The following ZFHX4 variants were observed in gnomAD, a reference collection of about 807,000 sequenced individuals.
ZFHX4 encodes the protein zinc finger homeobox protein 4.
In ZFHX4, 56 loss-of-function variants were observed where a neutral mutation model predicts 267.6. The observed-to-expected ratio is 0.21, with a 90% CI of 0.17 to 0.26. The LOEUF is 0.26. Ranked by LOEUF, ZFHX4 falls within the 10% of genes least tolerant of loss-of-function variation. The pLI is 1.00. For missense variants in ZFHX4, 4,332 were observed against 4,420.0 expected (o/e 0.98, Z 0.56); for synonymous variants, 1,778 against 1,665.6 (o/e 1.07, Z -1.64).
intron 3 of ZFHX4, among the ~76,000 whole-genome samples, chr8:76,734,141 C>A (rs1809095964): frequency 6.6e-6 from 1 of 152,110 alleles, no homozygotes; most frequent in African/African-American, 2.4e-5. Flanking sequence ...TAAACGCCAG[C>A]CTTTAATGTT....
chr8:76,752,393 G>T (rs555976035), intron 3 of ZFHX4, among the ~76,000 whole-genome samples: 7 of 146,140 alleles, frequency 4.8e-5, no homozygotes, highest in Non-Finnish European at 8.9e-5. Context: ...TGTAATCCCA[G>T]CACTTTGGGA....
intron 4 of ZFHX4, among the ~76,000 whole-genome samples, chr8:76,788,906 T>C (rs1393820829): frequency 1.3e-5 from 2 of 152,236 alleles, no homozygotes; most frequent in Non-Finnish European, 2.9e-5. Flanking sequence ...TCAGATTATT[T>C]TAGCATACTG....
At chr8:76,781,872 G>A (rs1158730772) in intron 4 of ZFHX4, among the ~76,000 whole-genome samples, 1 of 151,884 alleles carries the variant, frequency 6.6e-6, no homozygotes, top group African/African-American at 2.4e-5. Flanking sequence ...GTTCCTAGCT[G>A]GAAAATTGTA....
chr8:76,804,476 T>C (rs1246508139), intron 4 of ZFHX4, among the ~76,000 whole-genome samples: 1 of 152,102 alleles, frequency 6.6e-6, no homozygotes, highest in Non-Finnish European at 1.5e-5. Flanking sequence ...TGAAAATAAA[T>C]ACTTCCACTT....
intron 4 of ZFHX4, among the ~76,000 whole-genome samples, chr8:76,820,116 G>C (rs1218511533): frequency 6.6e-6 from 1 of 152,084 alleles, no homozygotes; most frequent in Non-Finnish European, 1.5e-5. Flanking sequence ...ATCCTCCAAA[G>C]GGAATTCTGC....
intron 3 of ZFHX4, among the ~76,000 whole-genome samples, chr8:76,754,075 C>T (rs1809698940): frequency 6.6e-6 from 1 of 152,084 alleles, no homozygotes; most frequent in Admixed American, 6.5e-5. Flanking sequence ...GAACGTGATT[C>T]TTATAGGTGT....
chr8:76,764,072 G>C (rs915122968), intron 3 of ZFHX4, among the ~76,000 whole-genome samples: 1 of 152,084 alleles, frequency 6.6e-6, no homozygotes, highest in Non-Finnish European at 1.5e-5. Context: ...TGCAACAGGG[G>C]TCCTCTCTTA....
chr8:76,816,351 C>T (rs754970587), intron 4 of ZFHX4, among the ~76,000 whole-genome samples: 1 of 152,142 alleles, frequency 6.6e-6, no homozygotes, highest in Non-Finnish European at 1.5e-5. Context: ...TGCACTGATT[C>T]TCCCCTCTCC....
Position 76,704,096 on chromosome 8 carries a change from C to A in ZFHX4, c.8C>A (p.Thr3Asn). The A allele has an allele frequency of 6.2e-7, 1 of 1,605,182 alleles. No individual in the cohort carries two copies. The highest frequency in any genetic ancestry group is 8.5e-7 in the Non-Finnish European group (1 of 1,175,154). Residue 3 changes from threonine (T) to asparagine (N), a missense_variant, in exon 2 of 11, where the codon ACC (threonine) becomes AAC (asparagine). This residue lies in a region of ZFHX4 where 1,195 missense variants were observed against 1,173.6 expected (regional missense o/e 1.02). Transcript: ENST00000651372. ME[T>N]CDSPPISRQE... Reference sequence around the variant, plus strand: ...CCCCATGTAGCAATTGCCATGGAAACCTGTGACTCCCCTCCTATCTCAAGG... The same window carrying A: ...CCCCATGTAGCAATTGCCATGGAAAACTGTGACTCCCCTCCTATCTCAAGG...
At chr8:76,709,460 A>G (rs1290620840) in intron 3 of ZFHX4, among the ~76,000 whole-genome samples, 1 of 152,150 alleles carries the variant, frequency 6.6e-6, no homozygotes, top group African/African-American at 2.4e-5. Context: ...ACAGTTGACA[A>G]CTGTTCAATT....
intron 10 of ZFHX4, 26 bp from the exon 11 acceptor site, chr8:76,863,068 G>A: frequency 6.7e-7 from 1 of 1,485,680 alleles, no homozygotes; most frequent in Non-Finnish European, 9.0e-7. Context: ...CATTGACAGT[G>A]GCCATCTCTC....
intron 4 of ZFHX4, among the ~76,000 whole-genome samples, chr8:76,799,966 A>G (rs1811076430): frequency 6.6e-6 from 1 of 152,132 alleles, no homozygotes; most frequent in African/African-American, 2.4e-5. Context: ...TGTGTTCTGT[A>G]AAGGTGGGGC....
chr8:76,726,246 A>T (rs772558681), intron 3 of ZFHX4, among the ~76,000 whole-genome samples: 2 of 152,114 alleles, frequency 1.3e-5, no homozygotes, highest in Non-Finnish European at 2.9e-5. Flanking sequence ...TAAAATGGAC[A>T]TTTGTAATGC....
At chr8:76,842,852 C>A in intron 6 of ZFHX4, 81 bp downstream of exon 6, 2 of 945,426 alleles carry the variant, frequency 2.1e-6, no homozygotes, top group Non-Finnish European at 1.6e-6. Flanking sequence ...ATCCCCCCAC[C>A]CCACAAAACT....
chr8:76,708,147 AG>A (rs746394730), intron 3 of ZFHX4, 99 bp downstream of exon 3: 1 of 1,460,220 alleles, frequency 6.8e-7, no homozygotes, highest in South Asian at 1.2e-5. Context: ...AAAAAAAAAG[AG>A]AAAAAACATC....
intron 3 of ZFHX4, among the ~76,000 whole-genome samples, chr8:76,743,563 A>G (rs1809377297): frequency 6.6e-6 from 1 of 152,202 alleles, no homozygotes; most frequent in Admixed American, 6.5e-5. Flanking sequence ...GAATGAGTCC[A>G]TGAAGGCCAA....
At chr8:76,743,398 C>G (rs1250263796) in intron 3 of ZFHX4, among the ~76,000 whole-genome samples, 1 of 152,204 alleles carries the variant, frequency 6.6e-6, no homozygotes, top group Non-Finnish European at 1.5e-5. Context: ...CAGGTTTCTG[C>G]TGAGACAATT....
chr8:76,817,109 G>A (rs971396460), intron 4 of ZFHX4, among the ~76,000 whole-genome samples: 2 of 152,130 alleles, frequency 1.3e-5, no homozygotes, highest in African/African-American at 4.8e-5. Context: ...GAGGCCACAT[G>A]ATATGCTTTA....
intron 4 of ZFHX4, among the ~76,000 whole-genome samples, chr8:76,779,466 G>A (rs944352633): frequency 3.3e-5 from 5 of 152,076 alleles, no homozygotes; most frequent in African/African-American, 1.2e-4. Context: ...TCTACTGTAG[G>A]CCAGTTGGAA....
Sources: gnomAD v4.1 joint callset for allele counts (sites outside exome capture counted in the v4.1 genomes callset) on GRCh38, gnomAD v4.1.1 for gene constraint, gnomAD v4.1.1 regional missense constraint, MANE v1.5 for transcripts, NCBI Gene and HGNC (gene_info 2026-07-23, HGNC 2026-07-21) for gene names.